Variants in SRGAP3 observed in about 807,000 individuals in gnomAD.
The protein encoded by SRGAP3 is SLIT-ROBO Rho GTPase-activating protein 3.
SRGAP3 carries 39 observed loss-of-function variants against 121.1 expected under a neutral mutation model. That is an observed-to-expected ratio of 0.32 (90% CI 0.25 to 0.42). The LOEUF (loss-of-function observed/expected upper bound fraction) is 0.42. SRGAP3 is among the 10% of genes least tolerant of loss of function. The pLI is 1.00. For missense variants in SRGAP3, 1,213 were observed against 1,470.6 expected (o/e 0.82, Z 2.86); for synonymous variants, 601 against 570.0 (o/e 1.05, Z -0.77).
chr3:9,184,458 T>C lies in SRGAP3; in HGVS notation c.68-59541A>G, dbSNP rs138554350. Among the ~76,000 whole-genome samples, 5 of 152,240 alleles carry C rather than the reference T, an allele frequency of 3.3e-5. No homozygotes were observed. In the East Asian group the frequency reaches 9.7e-4, roughly 29 times the overall value. ...AACAGGGATAAGTAGACCTCAAGGT[T>C]TTAAAACAGGGATAAGTAGACCTCA... On this transcript the variant is annotated intron_variant, in intron 1 of 21. Transcript: ENST00000383836.
At chr3:9,173,122 C>A (rs1358418860) in intron 1 of SRGAP3, among the ~76,000 whole-genome samples, 1 of 152,160 alleles carries the variant, frequency 6.6e-6, no homozygotes, top group Non-Finnish European at 1.5e-5. Context: ...GGAGGTATGG[C>A]CACATCTGGC....
At chr3:9,142,641 T>A (rs977813411) in intron 1 of SRGAP3, among the ~76,000 whole-genome samples, 6 of 152,128 alleles carry the variant, frequency 3.9e-5, no homozygotes, top group African/African-American at 7.2e-5. Flanking sequence ...GCTCTGGCAA[T>A]AATTCTTTGT....
chr3:9,274,244 A>C (rs1309226402), intron 3 of SRGAP3, among the ~76,000 whole-genome samples: 1 of 152,232 alleles, frequency 6.6e-6, no homozygotes, highest in Non-Finnish European at 1.5e-5. Context: ...GGTGTCCTCA[A>C]AAGAAATTAA....
At chr3:9,312,288 G>A (rs1273925609) in intron 3 of SRGAP3, among the ~76,000 whole-genome samples, 1 of 152,098 alleles carries the variant, frequency 6.6e-6, no homozygotes, top group Non-Finnish European at 1.5e-5. Context: ...CCAGGTAGCT[G>A]GGACTACAGG....
rs763590905 is a variant in SRGAP3 at position 8,985,657 on chromosome 3, C to G, written c.3162G>C (p.Pro1054=). 6.3e-7 allele frequency: 1 copy of G among 1,595,296 alleles called. No individual in the cohort carries two copies. Among genetic ancestry groups the G allele is most frequent in the Non-Finnish European group, 8.5e-7 (1 of 1,177,882 alleles). ...SARLAGAQLR[P]PPMRPVRPVV... ...CCGGCCGCACGGGCCGCATGGGGGG[C>G]GGGCGGAGCTGGGCGCCAGCCAGGC... Residue 1054 remains proline (P), a synonymous_variant, in exon 22 of 22, where the codon CCG becomes CCC. Transcript: ENST00000383836. The surrounding 1 kb of genome is among the most constrained non-coding windows in gnomAD (Gnocchi z 5.1).
At chr3:9,085,153 T>C (rs1947404408) in intron 3 of SRGAP3, among the ~76,000 whole-genome samples, 1 of 152,254 alleles carries the variant, frequency 6.6e-6, no homozygotes, top group Admixed American at 6.5e-5. Context: ...TGGCAATGAA[T>C]GCTCAGGCAG....
intron 1 of SRGAP3, among the ~76,000 whole-genome samples, chr3:9,213,841 C>A (rs1485806067): frequency 1.3e-5 from 2 of 152,166 alleles, no homozygotes; most frequent in Non-Finnish European, 2.9e-5. Flanking sequence ...TTTCTCTTTT[C>A]CAATTCCCTA....
intron 14 of SRGAP3, among the ~76,000 whole-genome samples, chr3:9,021,936 T>C (rs1943943864): frequency 6.6e-6 from 1 of 151,928 alleles, no homozygotes; most frequent in African/African-American, 2.4e-5. Context: ...TATCCAGGCA[T>C]GATGGCACAC....
intron 3 of SRGAP3, among the ~76,000 whole-genome samples, chr3:9,281,190 G>A (rs187553005): frequency 1.3e-5 from 2 of 152,264 alleles, no homozygotes; most frequent in East Asian, 1.9e-4. Flanking sequence ...TTAAGAATAT[G>A]GGTTATGAAA....
intron 20 of SRGAP3, 55 bp downstream of exon 20, chr3:8,992,851 T>A: frequency 4.3e-6 from 7 of 1,613,692 alleles, no homozygotes; most frequent in Middle Eastern, 1.7e-4. Flanking sequence ...TTCTCCCAAA[T>A]CAGACATGAA....
rs1210264578 is a variant in SRGAP3, at chr3:9,104,941, C to T, written c.261-99G>A. 2.2e-5 allele frequency: 32 copies of T among 1,444,466 alleles called. 1 individual carries two copies. The highest frequency in any genetic ancestry group is 1.8e-4 in the Middle Eastern group (1 of 5,648). 89.5% of individuals were successfully genotyped at this position (1,444,466 alleles called of 1,614,324 possible). A position where few individuals can be genotyped will look rare whatever the true frequency, so the allele number is the denominator to read the frequency against. ...TTCAGCTCTTTTAACCTCCACGGTGCCCCTTCAAGGTCAGTCTTGTTGTTA... is the reference window on the plus strand; with the variant it reads ...TTCAGCTCTTTTAACCTCCACGGTGTCCCTTCAAGGTCAGTCTTGTTGTTA... On this transcript the variant is annotated intron_variant, in intron 2 of 21. Coordinates refer to ENST00000383836, the MANE Select transcript of SRGAP3 (RefSeq NM_014850.4).
chr3:9,145,817 T>G (rs1012332266), intron 1 of SRGAP3, among the ~76,000 whole-genome samples: 7 of 152,010 alleles, frequency 4.6e-5, no homozygotes, highest in Non-Finnish European at 1.0e-4. Context: ...AAAGGTTGGA[T>G]AGGAGTTCAC....
At chr3:9,079,331 T>C (rs1469495809) in intron 4 of SRGAP3, among the ~76,000 whole-genome samples, 1 of 152,166 alleles carries the variant, frequency 6.6e-6, no homozygotes, top group East Asian at 1.9e-4. Context: ...CCCACATTCC[T>C]CTTGAGGAAG....
At chr3:9,343,363 A>G (rs894064414) in intron 1 of SRGAP3, among the ~76,000 whole-genome samples, 4 of 152,170 alleles carry the variant, frequency 2.6e-5, no homozygotes, top group Non-Finnish European at 4.4e-5. Flanking sequence ...TTCTCCATCC[A>G]CACCATGACC....
At chr3:9,187,070 G>A (rs1038863922) in intron 1 of SRGAP3, among the ~76,000 whole-genome samples, 6 of 151,948 alleles carry the variant, frequency 3.9e-5, no homozygotes, top group East Asian at 1.9e-4. Flanking sequence ...CCGTCAACCC[G>A]TCATCTACAT....
rs1170075427 is a variant in SRGAP3, at chr3:9,249,009, C to G, written c.-58G>C. Reference sequence around the variant, plus strand: ...TTTGATTTATTTCTCCTTTTCTTTTCGAGTCCTCTCTCAAGCCCTGGTAAT... The same window carrying G: ...TTTGATTTATTTCTCCTTTTCTTTTGGAGTCCTCTCTCAAGCCCTGGTAAT... On this transcript the variant is annotated 5_prime_UTR_variant, in exon 1 of 22. Coordinates refer to ENST00000383836, the MANE Select transcript of SRGAP3 (RefSeq NM_014850.4). 1 of 1,547,286 alleles carries G rather than the reference C, an allele frequency of 6.5e-7. No individual in the cohort carries two copies. The highest frequency in any genetic ancestry group is 8.9e-7 in the Non-Finnish European group (1 of 1,119,844).
At chr3:9,095,477 T>C (rs1207952519) in intron 3 of SRGAP3, among the ~76,000 whole-genome samples, 4 of 152,158 alleles carry the variant, frequency 2.6e-5, no homozygotes, top group Non-Finnish European at 4.4e-5. Context: ...GTAAAGGCCT[T>C]ATATTTTTCC....
In SRGAP3 at chr3:8,984,922, G is replaced by A. The variant is rs982003897; in HGVS notation, c.*597C>T. ...TATTGCTTCATTCGCAGTTACTATG[G>A]GCCTTTAAGTTCTCCCAGAAAAGTC... On this transcript the variant is annotated 3_prime_UTR_variant, in exon 22 of 22. Transcript: ENST00000383836. 1 of 229,070 alleles carries A rather than the reference G, an allele frequency of 4.4e-6. No homozygotes were observed. The highest frequency in any genetic ancestry group is 5.7e-5 in the Admixed American group (1 of 17,640). 14.2% of individuals were successfully genotyped at this position (229,070 alleles called of 1,614,324 possible). A position where few individuals can be genotyped will look rare whatever the true frequency, so the allele number is the denominator to read the frequency against.
At chr3:9,114,576 A>C (rs1040616089) in intron 2 of SRGAP3, among the ~76,000 whole-genome samples, 4 of 152,202 alleles carry the variant, frequency 2.6e-5, no homozygotes, top group African/African-American at 9.7e-5. Context: ...ACACTGCAGC[A>C]TGAGGGTACA....
Sources: allele counts gnomAD v4.1 joint callset (sites outside exome capture counted in the v4.1 genomes callset), GRCh38; gene constraint gnomAD v4.1.1; non-coding constraint Gnocchi (gnomAD v3.1); transcripts MANE v1.5; gene names NCBI Gene and HGNC (gene_info 2026-07-23, HGNC 2026-07-21).